The following DOP1A variants were observed in gnomAD, a reference collection of about 807,000 sequenced individuals.
DOP1A encodes the protein DOP1 leucine zipper like protein A, also known as protein DOP1A.
DOP1A carries 90 observed loss-of-function variants against 267.6 expected under a neutral mutation model. The observed-to-expected ratio is 0.34, with a 90% CI of 0.28 to 0.40. The LOEUF (loss-of-function observed/expected upper bound fraction) is 0.40. Among genes scored for constraint, DOP1A ranks in the 10% least tolerant of loss-of-function variants. The pLI is 1.00. For missense variants in DOP1A, 2,437 were observed against 2,900.4 expected (o/e 0.84, Z 3.67); for synonymous variants, 932 against 999.1 (o/e 0.93, Z 1.27).
intron 1 of DOP1A, among the ~76,000 whole-genome samples, chr6:83,094,201 A>G (rs1771026176): frequency 1.3e-5 from 2 of 152,182 alleles, no homozygotes; most frequent in Non-Finnish European, 2.9e-5. Context: ...TCTTTCACTT[A>G]CAATGTTTTC....
At chr6:83,073,427 C>T (rs1412180558) in intron 1 of DOP1A, among the ~76,000 whole-genome samples, 4 of 152,070 alleles carry the variant, frequency 2.6e-5, no homozygotes, top group Admixed American at 2.6e-4. Flanking sequence ...GTTCCAGAAA[C>T]AAAATATGGC....
At position 83,117,119 on chromosome 6, in the gene DOP1A, T is replaced by TTTTTATTTTATTTTATTTTA. The variant is rs55825933; in HGVS notation, c.781-1739_781-1720dup. On this transcript the variant is annotated intron_variant, in intron 7 of 38. Transcript: ENST00000349129. The stretch of plus-strand genomic sequence containing the variant: ...ATACATCAGAAGTAATTTTAGTACT[T>TTTTTATTTTATTTTATTTTA]TTTTATTTTATTTTATTTTATTTTA... 2.9e-3 allele frequency among the ~76,000 whole-genome samples: 384 copies of TTTTTATTTTATTTTATTTTA among 131,348 alleles called. 6 individuals are homozygous for TTTTTATTTTATTTTATTTTA. The highest frequency in any genetic ancestry group is 4.4e-3 in the African/African-American group (157 of 35,528). The allele number at this position is 131,348 out of a possible 152,430, so 86.2% of individuals were successfully genotyped here.
At chr6:83,085,172 A>T (rs1210375659) in intron 1 of DOP1A, among the ~76,000 whole-genome samples, 1 of 152,168 alleles carries the variant, frequency 6.6e-6, no homozygotes, top group Non-Finnish European at 1.5e-5. Context: ...CTTTTCTCAG[A>T]AAAAACAAAC....
At chr6:83,127,342 G>T (rs546574696) in intron 15 of DOP1A, among the ~76,000 whole-genome samples, 2 of 152,246 alleles carry the variant, frequency 1.3e-5, no homozygotes, top group African/African-American at 4.8e-5. Context: ...CAGTGGAGAG[G>T]ATAGAAGATG....
rs183370145 is a variant in DOP1A at position 83,124,892 on chromosome 6, G to A, written c.1455+73G>A. ...TTCAAATATTTCGTGTTGTAGGCAAGCCTTCAGATACATTTCATCTTTAAA... is the reference window on the plus strand; with the variant it reads ...TTCAAATATTTCGTGTTGTAGGCAAACCTTCAGATACATTTCATCTTTAAA... On this transcript the variant is annotated intron_variant, in intron 13 of 38. Transcript: ENST00000349129. The A allele has an allele frequency of 4.2e-6, 5 of 1,185,738 alleles. No individual in the cohort carries two copies. In the East Asian group the frequency reaches 1.2e-4, roughly 28 times the overall value. The allele number at this position is 1,185,738 out of a possible 1,614,324, so 73.5% of individuals were successfully genotyped here. A position where few individuals can be genotyped will look rare whatever the true frequency, so the allele number is the denominator to read the frequency against.
chr6:83,073,090 T>C, intron 1 of DOP1A: 1 of 231,946 alleles, frequency 4.3e-6, no homozygotes, highest in South Asian at 4.6e-5. Flanking sequence ...TTTTCCTTTT[T>C]CTTTTTTTTT....
chr6:83,166,724 T>G, intron 38 of DOP1A: 1 of 1,198,130 alleles, frequency 8.3e-7, no homozygotes, highest in Non-Finnish European at 1.0e-6. Context: ...AAATAAGCAA[T>G]AAGCTTGAGA....
In DOP1A at chr6:83,122,912, C is replaced by A; in HGVS notation, c.1270C>A (p.Leu424Ile). Residue 424 changes from leucine (L) to isoleucine (I), a missense_variant, in exon 12 of 39, where the codon CTT (leucine) becomes ATT (isoleucine). Coordinates refer to ENST00000349129, the MANE Select transcript of DOP1A (RefSeq NM_015018.4). The stretch of plus-strand genomic sequence containing the variant: ...AGCAGAGCTGATTAAAACTGCTAAC[C>A]TTCTCTTTAATTCCTTCGAACCTTA... ...KTAELIKTAN[L>I]LFNSFEPYYM... 1 of 1,569,900 alleles carries A rather than the reference C, an allele frequency of 6.4e-7. No homozygotes were observed.
chr6:83,143,053 A>G (rs1779907435), intron 24 of DOP1A, among the ~76,000 whole-genome samples: 1 of 152,208 alleles, frequency 6.6e-6, no homozygotes, highest in South Asian at 2.1e-4. Context: ...AAGATTCAGT[A>G]GTAGATATCA....
intron 30 of DOP1A, among the ~76,000 whole-genome samples, chr6:83,152,919 G>T (rs1456767921): frequency 2.0e-5 from 3 of 152,046 alleles, no homozygotes; most frequent in African/African-American, 7.2e-5. Flanking sequence ...CGCCCGGCCT[G>T]GGGAGGGGTG....
At position 83,139,090 on chromosome 6, in the gene DOP1A, C is replaced by T; in HGVS notation, c.5048C>T (p.Thr1683Ile). The T allele has an allele frequency of 6.2e-7, 1 of 1,613,928 alleles. No homozygotes were observed. The highest frequency in any genetic ancestry group is 8.5e-7 in the Non-Finnish European group (1 of 1,179,830). ...CTGCAGAGAGTGGTTGTTTCTGTGACACTACAACTGTGCAGAAATTTAGAT... is the reference window on the plus strand; with the variant it reads ...CTGCAGAGAGTGGTTGTTTCTGTGATACTACAACTGTGCAGAAATTTAGAT... The part of the protein sequence containing the change: ...KVLQRVVVSV[T>I]LQLCRNLDNL... Residue 1683 changes from threonine (T) to isoleucine (I), a missense_variant, in exon 21 of 39, where the codon ACA (threonine) becomes ATA (isoleucine). Transcript: ENST00000349129.
chr6:83,168,247 T>C lies in DOP1A; in HGVS notation c.*80T>C, dbSNP rs2128469666. On this transcript the variant is annotated 3_prime_UTR_variant, in exon 39 of 39. Transcript: ENST00000349129. Reference sequence around the variant, plus strand: ...CACACTGCTCTGCGTTGTATAGTTTTTCCTTTTTTGTATGTAACAGAACAC... The same window carrying C: ...CACACTGCTCTGCGTTGTATAGTTTCTCCTTTTTTGTATGTAACAGAACAC... The C allele has an allele frequency of 6.7e-7, 1 of 1,482,160 alleles. No homozygotes were observed. Among genetic ancestry groups the C allele is most frequent in the South Asian group, 1.4e-5 (1 of 69,680 alleles). 91.8% of individuals were successfully genotyped at this position (1,482,160 alleles called of 1,614,324 possible).
intron 26 of DOP1A, 40 bp from the exon 27 acceptor site, chr6:83,148,719 A>T (rs1439526676): frequency 1.5e-6 from 2 of 1,333,870 alleles, no homozygotes; most frequent in Non-Finnish European, 2.0e-6. Flanking sequence ...AGAAAACCAT[A>T]GTTTATTGTG....
intron 7 of DOP1A, among the ~76,000 whole-genome samples, chr6:83,114,854 C>A (rs932195806): frequency 2.0e-5 from 3 of 152,044 alleles, no homozygotes; most frequent in African/African-American, 7.2e-5. Flanking sequence ...AAAGTATACA[C>A]CCAGTTCTAA....
In DOP1A at chr6:83,118,941, A is replaced by C. The variant is rs777232077; in HGVS notation, c.834A>C (p.Leu278=). The C allele has an allele frequency of 9.9e-6, 16 of 1,613,602 alleles. No homozygotes were observed. The highest frequency in any genetic ancestry group is 1.4e-5 in the Non-Finnish European group (16 of 1,179,652). Residue 278 remains leucine, a synonymous_variant, in exon 8 of 39, where the codon CTA becomes CTC. Coordinates refer to ENST00000349129, the MANE Select transcript of DOP1A (RefSeq NM_015018.4). ...RILSAALHVV[L]RRDMSLNRRL... ...TGTCAGCAGCCCTTCATGTAGTGCTAAGGAGGGATATGTCTCTGAATCGAA... is the reference window on the plus strand; with the variant it reads ...TGTCAGCAGCCCTTCATGTAGTGCTCAGGAGGGATATGTCTCTGAATCGAA...
chr6:83,111,342 A>G (rs1007118910), intron 6 of DOP1A, among the ~76,000 whole-genome samples: 1 of 151,688 alleles, frequency 6.6e-6, no homozygotes, highest in Non-Finnish European at 1.5e-5. Context: ...ACACTCATGT[A>G]TGAGTTTTAG....
chr6:83,076,448 G>A (rs1767108446), intron 1 of DOP1A, among the ~76,000 whole-genome samples: 1 of 152,138 alleles, frequency 6.6e-6, no homozygotes, highest in East Asian at 1.9e-4. Flanking sequence ...CTTGGACCTG[G>A]GAGGTTGAGC....
chr6:83,147,632 C>T lies in DOP1A; in HGVS notation c.5732+341C>T, dbSNP rs115514905. Among the ~76,000 whole-genome samples, 1,152 of 152,202 alleles carry T rather than the reference C, an allele frequency of 7.6e-3. 21 individuals carry two copies. Among genetic ancestry groups the T allele is most frequent in the African/African-American group, 0.026 (1,087 of 41,552 alleles). On this transcript the variant is annotated intron_variant, in intron 26 of 38. Coordinates refer to ENST00000349129, the MANE Select transcript of DOP1A (RefSeq NM_015018.4). The stretch of plus-strand genomic sequence containing the variant: ...CTTCTTACTATCATATTCCATTTTG[C>T]GTTTAACTGACCTGTGAACAGAAGT...
chr6:83,104,815 A>G (rs1466623218), intron 4 of DOP1A, among the ~76,000 whole-genome samples: 2 of 151,914 alleles, frequency 1.3e-5, no homozygotes, highest in Non-Finnish European at 2.9e-5. Flanking sequence ...TTCACTCTTG[A>G]TATTGGTGAC....
Sources: allele counts gnomAD v4.1 joint callset (sites outside exome capture counted in the v4.1 genomes callset), GRCh38; gene constraint gnomAD v4.1.1; transcripts MANE v1.5; gene names NCBI Gene and HGNC (gene_info 2026-07-23, HGNC 2026-07-21).